The following MEIOSIN variants were observed in gnomAD, a reference collection of about 807,000 sequenced individuals.
MEIOSIN encodes the protein meiosis initiator.
A neutral mutation model predicts 23.4 loss-of-function variants in MEIOSIN; 18 were observed. The observed-to-expected ratio is 0.77, with a 90% CI of 0.53 to 1.14. The LOEUF (loss-of-function observed/expected upper bound fraction) is 1.14. Among genes scored for constraint, MEIOSIN ranks in the 50% most tolerant of loss-of-function variants. The probability of loss-of-function intolerance (pLI) is 0.00; values close to 1 mark genes in which losing one functional copy is unlikely to be tolerated. For synonymous variants in MEIOSIN, 187 were observed against 100.6 expected (o/e 1.86, Z -5.14); for missense variants, 428 against 242.9 (o/e 1.76, Z -5.07).
At chr19:45,761,262 C>T (rs1968935112) in intron 11 of MEIOSIN, among the ~76,000 whole-genome samples, 1 of 151,342 alleles carries the variant, frequency 6.6e-6, no homozygotes, top group African/African-American at 2.4e-5. Context: ...GTAGCTGGGA[C>T]TACAGGCGCC....
chr19:45,739,043 G>T (rs1038052525), intron 2 of MEIOSIN, among the ~76,000 whole-genome samples: 3 of 152,222 alleles, frequency 2.0e-5, no homozygotes, highest in Non-Finnish European at 4.4e-5. Flanking sequence ...GCTGGTTCCA[G>T]GATGGAGGTT....
chr19:45,740,000 A>C (rs1968474292), intron 3 of MEIOSIN, among the ~76,000 whole-genome samples: 1 of 152,108 alleles, frequency 6.6e-6, no homozygotes, highest in Non-Finnish European at 1.5e-5. Flanking sequence ...GGCACGTGCC[A>C]CCACGGCCAG....
intron 4 of MEIOSIN, among the ~76,000 whole-genome samples, chr19:45,749,166 T>C (rs1255102808): frequency 6.6e-6 from 1 of 150,640 alleles, no homozygotes; most frequent in Non-Finnish European, 1.5e-5. Context: ...AGCCCAGGAG[T>C]TTGAGACCAG....
intron 3 of MEIOSIN, among the ~76,000 whole-genome samples, chr19:45,744,187 T>C (rs904788537): frequency 1.3e-5 from 2 of 151,266 alleles, no homozygotes; most frequent in East Asian, 3.9e-4. Context: ...GTCCAGCTAA[T>C]TTTTGTATTT....
chr19:45,759,621 T>A, intron 11 of MEIOSIN, 131 bp downstream of exon 11: 2 of 628,754 alleles, frequency 3.2e-6, no homozygotes, highest in East Asian at 5.7e-5. Context: ...CTTCCACTCA[T>A]GCGTCTCCTC....
intron 4 of MEIOSIN, among the ~76,000 whole-genome samples, chr19:45,749,198 T>C (rs1417822426): frequency 6.6e-6 from 1 of 150,414 alleles, no homozygotes; most frequent in Non-Finnish European, 1.5e-5. Flanking sequence ...TGGCGAAACC[T>C]CATCTCGATA....
At chr19:45,738,579 G>C (rs920986144) in intron 2 of MEIOSIN, among the ~76,000 whole-genome samples, 1 of 152,166 alleles carries the variant, frequency 6.6e-6, no homozygotes, top group Non-Finnish European at 1.5e-5. Flanking sequence ...AGATCGCGCC[G>C]CTGCGCTCCA....
At position 45,759,451 on chromosome 19, in the gene MEIOSIN, T is replaced by G; in HGVS notation, c.1206T>G (p.Ser402=). Residue 402 remains serine (S), a synonymous_variant, in exon 11 of 15, where the codon TCT becomes TCG. Coordinates refer to ENST00000457052, the MANE Select transcript of MEIOSIN (RefSeq NM_001310124.2). ...FFEEVCLDLE[S]SPSAYTQEAP... ...AAGAAGTGTGCTTAGATCTGGAGTC[T>G]TCACCTTCAGCCTACACGCAGGAGG... The G allele has an allele frequency of 1.4e-6, 1 of 703,268 alleles. No individual in the cohort carries two copies. Among genetic ancestry groups the G allele is most frequent in the East Asian group, 2.7e-5 (1 of 37,262 alleles). 43.6% of individuals were successfully genotyped at this position (703,268 alleles called of 1,614,324 possible). A position where few individuals can be genotyped will look rare whatever the true frequency, so the allele number is the denominator to read the frequency against.
At chr19:45,735,595 T>C in intron 2 of MEIOSIN, 148 bp downstream of exon 2, 1 of 562,474 alleles carries the variant, frequency 1.8e-6, no homozygotes, top group Non-Finnish European at 3.2e-6. Context: ...AACAATCTCA[T>C]GAGGAAGTTG....
At chr19:45,742,770 C>T (rs896305485) in intron 3 of MEIOSIN, among the ~76,000 whole-genome samples, 2 of 151,890 alleles carry the variant, frequency 1.3e-5, no homozygotes, top group Non-Finnish European at 2.9e-5. Flanking sequence ...GCACTCCAGC[C>T]TGGGTGACAG....
At position 45,764,377 on chromosome 19, in the gene MEIOSIN, G is replaced by A. The variant is rs758659744; in HGVS notation, c.*259G>A. On this transcript the variant is annotated 3_prime_UTR_variant, in exon 15 of 15. Coordinates refer to ENST00000457052, the MANE Select transcript of MEIOSIN (RefSeq NM_001310124.2). ...CAAAATGAAATGCGGGGTGTCGGAAGGTGAAGTTTACCCACCCCTCTCCCC... is the reference window on the plus strand; with the variant it reads ...CAAAATGAAATGCGGGGTGTCGGAAAGTGAAGTTTACCCACCCCTCTCCCC... 19 of 369,660 alleles carry A rather than the reference G, an allele frequency of 5.1e-5. No homozygotes were observed. The Admixed American group carries it at 5.5e-4, about 11-fold the overall frequency. The allele number at this position is 369,660 out of a possible 1,614,324, so 22.9% of individuals were successfully genotyped here. A position where few individuals can be genotyped will look rare whatever the true frequency, so the allele number is the denominator to read the frequency against.
chr19:45,746,574 G>T (rs1275156245), intron 4 of MEIOSIN, among the ~76,000 whole-genome samples: 1 of 151,932 alleles, frequency 6.6e-6, no homozygotes, highest in African/African-American at 2.4e-5. Flanking sequence ...GGGCTCAGTA[G>T]TTTGGGAGGC....
chr19:45,761,968 G>A lies in MEIOSIN; in HGVS notation c.1464G>A (p.Pro488=), dbSNP rs763922582. ...EDMQANPVGT[P]GSSEEDEDTT... is the part of the protein sequence containing the mutation. ...TGCAGGCCAACCCTGTGGGCACGCC[G>A]GGCTCCAGCGAAGAGGACGAAGACA... The change falls in exon 13 of 15, where the codon CCG becomes CCA. Residue 488 remains proline (P), a synonymous_variant. Coordinates refer to ENST00000457052, the MANE Select transcript of MEIOSIN (RefSeq NM_001310124.2). 7 of 561,258 alleles carry A rather than the reference G, an allele frequency of 1.2e-5. No homozygotes were observed. Among genetic ancestry groups the A allele is most frequent in the Non-Finnish European group, 2.2e-5 (7 of 313,980 alleles). The allele number at this position is 561,258 out of a possible 1,614,324, so 34.8% of individuals were successfully genotyped here.
rs934347178 is a variant in MEIOSIN, at chr19:45,759,042, C to G, written c.1168+9C>G. 1.4e-5 allele frequency: 10 copies of G among 702,930 alleles called. No homozygotes were observed. The highest frequency in any genetic ancestry group is 2.3e-5 in the Non-Finnish European group (9 of 385,002). The allele number at this position is 702,930 out of a possible 1,614,324, so 43.5% of individuals were successfully genotyped here. A position where few individuals can be genotyped will look rare whatever the true frequency, so the allele number is the denominator to read the frequency against. The stretch of plus-strand genomic sequence containing the variant: ...GGAGTACCTGACCCAAGGTGAGGCC[C>G]AGGCCTGGCCCTGATGCTTAGTTCA... On this transcript the variant is annotated intron_variant, in intron 10 of 14. Coordinates refer to ENST00000457052, the MANE Select transcript of MEIOSIN (RefSeq NM_001310124.2).
chr19:45,749,480 T>C lies in MEIOSIN; in HGVS notation c.307-1195T>C, dbSNP rs182555407. On this transcript the variant is annotated intron_variant, in intron 4 of 14. Coordinates refer to ENST00000457052, the MANE Select transcript of MEIOSIN (RefSeq NM_001310124.2). ...CATGAAGTCAGGAGATTGAGACCAT[T>C]CTGGCTAACATGGTGAAACCCCGTC... Among the ~76,000 whole-genome samples, 424 of 149,718 alleles carry C rather than the reference T, an allele frequency of 2.8e-3. 3 individuals are homozygous for C. Among genetic ancestry groups the C allele is most frequent in the African/African-American group, 9.6e-3 (389 of 40,592 alleles).
At position 45,755,856 on chromosome 19, in the gene MEIOSIN, G is replaced by A. The variant is rs576816697; in HGVS notation, c.803-114G>A. On this transcript the variant is annotated intron_variant, in intron 7 of 14. Coordinates refer to ENST00000457052, the MANE Select transcript of MEIOSIN (RefSeq NM_001310124.2). ...CCCTGCATCCTGAGGTTTGGGCTAG[G>A]ATTGGGGAGTGAGAGGGTGTGTGGC... 8.0e-4 allele frequency: 499 copies of A among 626,530 alleles called. 1 individual carries two copies. The highest frequency in any genetic ancestry group is 1.3e-3 in the Non-Finnish European group (446 of 346,986). The allele number at this position is 626,530 out of a possible 1,614,324, so 38.8% of individuals were successfully genotyped here.
Position 45,754,486 on chromosome 19 carries a change from G to C in MEIOSIN, c.564G>C (p.Gln188His), listed in dbSNP as rs906596864. 1 of 702,436 alleles carries C rather than the reference G, an allele frequency of 1.4e-6. No individual in the cohort carries two copies. The highest frequency in any genetic ancestry group is 2.6e-6 in the Non-Finnish European group (1 of 384,640). The allele number at this position is 702,436 out of a possible 1,614,324, so 43.5% of individuals were successfully genotyped here. ...KKKLTQASESQTRTPKPRRSL... is the reference protein window; with the variant it reads ...KKKLTQASESHTRTPKPRRSL... ...GAACCTCTGCTCCCCCAGAAAGCCA[G>C]ACTCGGACCCCGAAGCCTCGCCGCT... The change falls in exon 7 of 15, where the codon CAG (glutamine) becomes CAC (histidine). Residue 188 changes from glutamine to histidine, a missense_variant. Coordinates refer to ENST00000457052, the MANE Select transcript of MEIOSIN (RefSeq NM_001310124.2).
rs1473515258 is a variant in MEIOSIN at position 45,756,197 on chromosome 19, T to C, written c.911+119T>C. The C allele has an allele frequency of 4.8e-6, 3 of 618,960 alleles. No homozygotes were observed. The Admixed American group carries it at 7.8e-5, about 16-fold the overall frequency. 38.3% of individuals were successfully genotyped at this position (618,960 alleles called of 1,614,324 possible). On this transcript the variant is annotated intron_variant, in intron 8 of 14. Coordinates refer to ENST00000457052, the MANE Select transcript of MEIOSIN (RefSeq NM_001310124.2). Reference sequence around the variant, plus strand: ...TCTGCGGGTGCCCCTTGAGCACCAATGGAGGCCCAGCTTTGTGTCTGCCAT... The same window carrying C: ...TCTGCGGGTGCCCCTTGAGCACCAACGGAGGCCCAGCTTTGTGTCTGCCAT...
chr19:45,762,276 C>CTT, intron 13 of MEIOSIN, 93 bp downstream of exon 13: 1 of 400,360 alleles, frequency 2.5e-6, no homozygotes, highest in Admixed American at 4.3e-5. Context: ...CTGTCTGACA[C>CTT]TTTTTCCCCC....
Sources: gnomAD v4.1 joint callset for allele counts (sites outside exome capture counted in the v4.1 genomes callset) on GRCh38, gnomAD v4.1.1 for gene constraint, MANE v1.5 for transcripts, NCBI Gene and HGNC (gene_info 2026-07-23, HGNC 2026-07-21) for gene names.